DDX10: variants seen among roughly 807,000 people sequenced by gnomAD.
DDX10 encodes the protein probable ATP-dependent RNA helicase DDX10.
A neutral mutation model predicts 104.3 loss-of-function variants in DDX10; 74 were observed. The observed-to-expected ratio is 0.71, with a 90% confidence interval of 0.59 to 0.86. The LOEUF is 0.86. Ranked by LOEUF, DDX10 falls within the 40% of genes least tolerant of loss-of-function variation. DDX10 has a pLI of 0.00. For missense variants in DDX10, 952 were observed against 1,040.0 expected (o/e 0.92, Z 1.16); for synonymous variants, 351 against 353.4 (o/e 0.99, Z 0.08).
At chr11:108,919,471 A>C (rs181511432) in intron 17 of DDX10, 1 of 152,214 alleles carries the variant, frequency 6.6e-6, no homozygotes, top group African/African-American at 2.4e-5. Context: ...CAGTGGGGTC[A>C]GGTTTGCTTC....
At chr11:108,816,293 C>G (rs575248748) in intron 13 of DDX10, among the ~76,000 whole-genome samples, 10 of 152,252 alleles carry the variant, frequency 6.6e-5, no homozygotes, top group African/African-American at 2.4e-4. Context: ...CTAATGAATC[C>G]AAATATATGT....
chr11:108,706,918 CCCCT>C, intron 10 of DDX10, 81 bp downstream of exon 10: 1 of 1,154,350 alleles, frequency 8.7e-7, no homozygotes, highest in South Asian at 1.3e-5. Context: ...ACCTAATTTG[CCCCT>C]TCCCCTAATT....
chr11:108,915,269 C>CTTA (rs1188160952), intron 16 of DDX10, among the ~76,000 whole-genome samples: 1 of 152,114 alleles, frequency 6.6e-6, no homozygotes, highest in African/African-American at 2.4e-5. Flanking sequence ...ATGATACTTG[C>CTTA]TTACCCTTCA....
chr11:108,747,060 G>A, intron 13 of DDX10, among the ~76,000 whole-genome samples: 1 of 152,108 alleles, frequency 6.6e-6, no homozygotes, highest in East Asian at 1.9e-4. Flanking sequence ...ATTGTAAGAA[G>A]TGACTGGGTA....
In DDX10 at chr11:108,838,337, A is replaced by G. The variant is rs923006879; in HGVS notation, c.1966-109A>G. The G allele has an allele frequency of 1.5e-5, 17 of 1,165,458 alleles. No individual in the cohort carries two copies. The African/African-American group carries it at 2.0e-4, about 14-fold the overall frequency. 72.2% of individuals were successfully genotyped at this position (1,165,458 alleles called of 1,614,324 possible). On this transcript the variant is annotated intron_variant, in intron 13 of 17. Transcript: ENST00000322536. ...TGTTTTCAATGCTTCTCATTAGCCA[A>G]TGAGTAATAAATGTACCCAGTTTTG...
chr11:108,673,653 T>G (rs1478256990), intron 2 of DDX10, 126 bp downstream of exon 2: 6 of 647,770 alleles, frequency 9.3e-6, no homozygotes, highest in Non-Finnish European at 5.4e-6. Context: ...TGAAAACCAA[T>G]GAAAATAAGC....
intron 13 of DDX10, among the ~76,000 whole-genome samples, chr11:108,831,733 G>T (rs1396259945): frequency 6.6e-6 from 1 of 151,974 alleles, no homozygotes; most frequent in Non-Finnish European, 1.5e-5. Context: ...AGGATATGTA[G>T]TAGTAATGCT....
chr11:108,748,942 G>C (rs1464769200), intron 13 of DDX10, among the ~76,000 whole-genome samples: 1 of 151,862 alleles, frequency 6.6e-6, no homozygotes, highest in Non-Finnish European at 1.5e-5. Context: ...AAGATTACAG[G>C]CATGAGCCAC....
At chr11:108,894,049 A>G (rs1863409841) in intron 16 of DDX10, among the ~76,000 whole-genome samples, 1 of 152,090 alleles carries the variant, frequency 6.6e-6, no homozygotes, top group African/African-American at 2.4e-5. Flanking sequence ...GGGATGGAAT[A>G]GAGAATTTCA....
intron 16 of DDX10, among the ~76,000 whole-genome samples, chr11:108,899,769 G>C (rs774402001): frequency 8.5e-5 from 13 of 152,252 alleles, no homozygotes; most frequent in Non-Finnish European, 1.8e-4. Flanking sequence ...ATGGCTTGGT[G>C]CTGTCCTCGC....
intron 17 of DDX10, among the ~76,000 whole-genome samples, chr11:108,926,533 A>G (rs989395589): frequency 6.6e-6 from 1 of 152,208 alleles, no homozygotes; most frequent in African/African-American, 2.4e-5. Context: ...TATGTTTATA[A>G]TGAACTCTGA....
chr11:108,763,222 C>T (rs571348773), intron 13 of DDX10, among the ~76,000 whole-genome samples: 35 of 152,248 alleles, frequency 2.3e-4, no homozygotes, highest in Admixed American at 2.1e-3. Context: ...TCACACTGTG[C>T]GCTGTAGCAG....
intron 1 of DDX10, among the ~76,000 whole-genome samples, chr11:108,673,015 A>G (rs778444398): frequency 6.6e-6 from 1 of 152,228 alleles, no homozygotes; most frequent in Non-Finnish European, 1.5e-5. Flanking sequence ...AACAAGAAAT[A>G]TTTCTCCAAC....
chr11:108,707,664 G>A (rs574532080), intron 10 of DDX10, among the ~76,000 whole-genome samples: 1 of 152,268 alleles, frequency 6.6e-6, no homozygotes, highest in Admixed American at 6.5e-5. Context: ...GGGTCAGGGA[G>A]AATAAGGTGC....
At chr11:108,825,183 T>C (rs962693597) in intron 13 of DDX10, among the ~76,000 whole-genome samples, 1 of 152,196 alleles carries the variant, frequency 6.6e-6, no homozygotes, top group Non-Finnish European at 1.5e-5. Flanking sequence ...AAGAAACTTA[T>C]GTTAATTCTA....
intron 14 of DDX10, among the ~76,000 whole-genome samples, chr11:108,839,788 AAG>A (rs778510025): frequency 1.3e-5 from 2 of 152,200 alleles, no homozygotes; most frequent in Non-Finnish European, 2.9e-5. Flanking sequence ...AGTTACGAAA[AAG>A]AGGTCAGCAC....
intron 13 of DDX10, among the ~76,000 whole-genome samples, chr11:108,763,183 C>T (rs914239400): frequency 2.0e-5 from 3 of 152,156 alleles, no homozygotes; most frequent in African/African-American, 7.2e-5. Context: ...GCATTTTCTT[C>T]CTCTGGTTGC....
At chr11:108,828,012 T>C (rs1046361621) in intron 13 of DDX10, among the ~76,000 whole-genome samples, 1 of 152,222 alleles carries the variant, frequency 6.6e-6, no homozygotes, top group Non-Finnish European at 1.5e-5. Flanking sequence ...ACAACCAATC[T>C]CCAGAACTTT....
chr11:108,770,816 G>C (rs1334191720), intron 13 of DDX10, among the ~76,000 whole-genome samples: 1 of 151,856 alleles, frequency 6.6e-6, no homozygotes, highest in Non-Finnish European at 1.5e-5. Context: ...CAAACATTGG[G>C]AGTGCAGATG....
Sources: allele counts gnomAD v4.1 joint callset (sites outside exome capture counted in the v4.1 genomes callset), GRCh38; gene constraint gnomAD v4.1.1; transcripts MANE v1.5; gene names NCBI Gene and HGNC (gene_info 2026-07-23, HGNC 2026-07-21).